Variants in PRPF38A observed in about 807,000 individuals in gnomAD.
The protein encoded by PRPF38A is pre-mRNA processing factor 38A.
PRPF38A carries 11 observed loss-of-function variants against 46.8 expected under a neutral mutation model. The ratio of observed to expected loss-of-function variants is 0.24; its 90% CI spans 0.15 to 0.39. The LOEUF (loss-of-function observed/expected upper bound fraction) is 0.39, where lower values mean the gene tolerates loss of function less well. PRPF38A is among the 10% of genes least tolerant of loss of function. The pLI is 1.00. For missense variants in PRPF38A, 261 were observed against 407.5 expected, an observed-to-expected ratio of 0.64 and a Z score of 3.10; for synonymous variants, 124 against 136.2, an observed-to-expected ratio of 0.91 and a Z score of 0.62.
Position 52,416,984 on chromosome 1 carries a change from C to T in PRPF38A, c.*294C>T, listed in dbSNP as rs1648312710. The T allele has an allele frequency of 8.3e-6, 3 of 362,880 alleles. No homozygotes were observed. The South Asian group carries it at 1.3e-4, about 15-fold the overall frequency. 22.5% of individuals were successfully genotyped at this position (362,880 alleles called of 1,614,324 possible). A position where few individuals can be genotyped will look rare whatever the true frequency, so the allele number is the denominator to read the frequency against. On this transcript the variant is annotated 3_prime_UTR_variant, in exon 10 of 10. Transcript: ENST00000257181. ...GAAAGGCTGTGGCCACCTGATGACC[C>T]TTTCCCTTTTTATTAAACCGGACAC...
At chr1:52,405,282 A>T (rs548238156) in intron 1 of PRPF38A, among the ~76,000 whole-genome samples, 1 of 152,346 alleles carries the variant, frequency 6.6e-6, no homozygotes, top group African/African-American at 2.4e-5. Flanking sequence ...TCCAGTATTT[A>T]TAAATATCAG....
chr1:52,412,217 C>T (rs1395962123), intron 4 of PRPF38A, among the ~76,000 whole-genome samples: 1 of 152,102 alleles, frequency 6.6e-6, no homozygotes, highest in Admixed American at 6.6e-5. Flanking sequence ...GTGTGTGAAG[C>T]CCTTACTTTT....
At chr1:52,414,924 C>T in intron 8 of PRPF38A, 65 bp downstream of exon 8, 2 of 1,465,690 alleles carry the variant, frequency 1.4e-6, no homozygotes, top group African/African-American at 1.4e-5. Flanking sequence ...AGTAGTTAGC[C>T]TCCTGCAGTA....
chr1:52,408,973 A>G (rs1648074685), intron 3 of PRPF38A: 2 of 254,494 alleles, frequency 7.9e-6, no homozygotes, highest in African/African-American at 2.2e-5. Flanking sequence ...GCTCCATCCC[A>G]AAAGATCTAG....
chr1:52,412,927 G>C (rs895690148), intron 5 of PRPF38A, among the ~76,000 whole-genome samples: 2 of 152,066 alleles, frequency 1.3e-5, no homozygotes, highest in Non-Finnish European at 2.9e-5. Context: ...GCTTGAACCC[G>C]GGAGGCAGAG....
At chr1:52,415,949 TCTC>T (rs748357472) in intron 9 of PRPF38A, among the ~76,000 whole-genome samples, 1 of 147,512 alleles carries the variant, frequency 6.8e-6, no homozygotes, top group Non-Finnish European at 1.5e-5. Context: ...CTCACGCCAT[TCTC>T]CTGCCTCAGC....
chr1:52,419,837 T>A lies in PRPF38A; in HGVS notation c.*3147T>A, dbSNP rs1648417261. The A allele has an allele frequency of 6.6e-6, 1 of 152,148 alleles. No individual in the cohort carries two copies. The highest frequency in any genetic ancestry group is 2.4e-5 in the African/African-American group (1 of 41,366). The allele number at this position is 152,148 out of a possible 1,614,324, so 9.4% of individuals were successfully genotyped here. A position where few individuals can be genotyped will look rare whatever the true frequency, so the allele number is the denominator to read the frequency against. Reference sequence around the variant, plus strand: ...AGGCCGAGGCAGACGGATCATGAGGTCAGGAGATCGAGACCATCCAGGCTA... The same window carrying A: ...AGGCCGAGGCAGACGGATCATGAGGACAGGAGATCGAGACCATCCAGGCTA... On this transcript the variant is annotated 3_prime_UTR_variant, in exon 10 of 10. Transcript: ENST00000257181.
At position 52,405,713 on chromosome 1, in the gene PRPF38A, G is replaced by A; in HGVS notation, c.164G>A (p.Arg55Lys). The A allele has an allele frequency of 6.2e-7, 1 of 1,613,846 alleles. No individual in the cohort carries two copies. Among genetic ancestry groups the A allele is most frequent in the Non-Finnish European group, 8.5e-7 (1 of 1,180,030 alleles). Residue 55 changes from arginine to lysine, a missense_variant, in exon 2 of 10, where the codon AGG (arginine) becomes AAG (lysine). This residue lies in a region of PRPF38A where 81 missense variants were observed against 186.5 expected (regional missense o/e 0.43). Coordinates refer to ENST00000257181, the MANE Select transcript of PRPF38A (RefSeq NM_032864.4). ...GTAGTCGATAAAGCCATGGAGTTAA[G>A]GTTTGTGGGTGGCGTCTATGGTGGC... ...ELVVDKAMEL[R>K]FVGGVYGGNI...
In PRPF38A at chr1:52,404,667, C is replaced by T; in HGVS notation, c.-83C>T. ...GTTTAGTGAAACTTCTTCCACCTTT[C>T]TCCATTCCTCTAGGTGCTTTTTCTG... On this transcript the variant is annotated 5_prime_UTR_variant, in exon 1 of 10. Coordinates refer to ENST00000257181, the MANE Select transcript of PRPF38A (RefSeq NM_032864.4). 1 of 1,476,010 alleles carries T rather than the reference C, an allele frequency of 6.8e-7. No individual in the cohort carries two copies. The highest frequency in any genetic ancestry group is 9.2e-7 in the Non-Finnish European group (1 of 1,086,960). The allele number at this position is 1,476,010 out of a possible 1,614,324, so 91.4% of individuals were successfully genotyped here. A position where few individuals can be genotyped will look rare whatever the true frequency, so the allele number is the denominator to read the frequency against.
chr1:52,415,830 C>CTT (rs1648274245), intron 9 of PRPF38A, among the ~76,000 whole-genome samples: 1 of 119,424 alleles, frequency 8.4e-6, no homozygotes, highest in African/African-American at 3.4e-5. Context: ...GTTGGGTGCA[C>CTT]TCTTTTTTTT....
At position 52,419,661 on chromosome 1, in the gene PRPF38A, GAAACCAC is replaced by G. The variant is rs1162154772; in HGVS notation, c.*2975_*2981del. On this transcript the variant is annotated 3_prime_UTR_variant, in exon 10 of 10. Coordinates refer to ENST00000257181, the MANE Select transcript of PRPF38A (RefSeq NM_032864.4). ...GGTGGAGTTTAAAGGCCTTATACTA[GAAACCAC>G]AAAACATAAAACAGCACAGAGAAAA... is the stretch of plus-strand genomic sequence containing the variant. 1.3e-5 allele frequency: 2 copies of G among 151,938 alleles called. No individual in the cohort carries two copies. Among genetic ancestry groups the G allele is most frequent in the Admixed American group, 1.3e-4 (2 of 15,242 alleles). 9.4% of individuals were successfully genotyped at this position (151,938 alleles called of 1,614,324 possible).
intron 5 of PRPF38A, among the ~76,000 whole-genome samples, chr1:52,413,234 G>A (rs1389899470): frequency 2.0e-5 from 3 of 152,024 alleles, no homozygotes; most frequent in Non-Finnish European, 4.4e-5. Flanking sequence ...CTAATAAATG[G>A]TGGCAGCTAT....
chr1:52,408,556 A>C lies in PRPF38A; in HGVS notation c.291-13A>C. On this transcript the variant is annotated splice_polypyrimidine_tract_variant and intron_variant, in intron 2 of 9. Transcript: ENST00000257181. ...TAGGATGGCCTGTTGTTTCACTGTC[A>C]TCTGTCTCTCAGGTATGTCCGCATG... 3 of 1,614,108 alleles carry C rather than the reference A, an allele frequency of 1.9e-6. No homozygotes were observed. The highest frequency in any genetic ancestry group is 2.5e-6 in the Non-Finnish European group (3 of 1,179,962).
rs1463607712 is a variant in PRPF38A, at chr1:52,413,964, G to A, written c.695G>A (p.Arg232Lys). 6.2e-7 allele frequency: 1 copy of A among 1,613,526 alleles called. No homozygotes were observed. The highest frequency in any genetic ancestry group is 1.3e-5 in the African/African-American group (1 of 74,906). Reference sequence around the variant, plus strand: ...CGTCGCTCTCCCACACTGCGCTACAGGAGGAGTAGGAGCCGGTCTCCCAGA... The same window carrying A: ...CGTCGCTCTCCCACACTGCGCTACAAGAGGAGTAGGAGCCGGTCTCCCAGA... ...KPRRSPTLRYRRSRSRSPRRR... is the reference protein window; with the variant it reads ...KPRRSPTLRYKRSRSRSPRRR... The change falls in exon 6 of 10, where the codon AGG (arginine) becomes AAG (lysine). Residue 232 changes from arginine to lysine, a missense_variant. Arg to Lys is a conservative substitution (Grantham distance 26). This residue lies in a region of PRPF38A where 180 missense variants were observed against 221.0 expected (regional missense o/e 0.81). Coordinates refer to ENST00000257181, the MANE Select transcript of PRPF38A (RefSeq NM_032864.4).
Sources: allele counts gnomAD v4.1 joint callset (sites outside exome capture counted in the v4.1 genomes callset), GRCh38; gene constraint gnomAD v4.1.1; regional missense constraint gnomAD v4.1.1; transcripts MANE v1.5; gene names NCBI Gene and HGNC (gene_info 2026-07-23, HGNC 2026-07-21).